The following CTNNA2 variants were observed in gnomAD, a reference collection of about 807,000 sequenced individuals.
CTNNA2 encodes catenin alpha-2.
In CTNNA2, 42 loss-of-function variants were observed where a neutral mutation model predicts 101.0. The observed-to-expected ratio is 0.42, with a 90% confidence interval of 0.32 to 0.54. The LOEUF (loss-of-function observed/expected upper bound fraction) is 0.54. CTNNA2 is among the 20% of genes least tolerant of loss of function. The pLI, the probability that CTNNA2 is intolerant of heterozygous loss-of-function variation, is 0.14. For synonymous variants in CTNNA2, 450 were observed against 456.4 expected (o/e 0.99, Z 0.18); for missense variants, 871 against 1,223.1 (o/e 0.71, Z 4.29).
chr2:79,213,525 G>A (rs1674204008), intron 2 of CTNNA2, among the ~76,000 whole-genome samples: 1 of 152,186 alleles, frequency 6.6e-6, no homozygotes, highest in Admixed American at 6.5e-5. Context: ...AATGATAGAT[G>A]TGGAAGATAC....
At chr2:80,345,929 T>C (rs1672694231) in intron 7 of CTNNA2, among the ~76,000 whole-genome samples, 2 of 152,182 alleles carry the variant, frequency 1.3e-5, no homozygotes, top group African/African-American at 4.8e-5. Flanking sequence ...TGTTGGATGA[T>C]TGCTACTGCT....
At chr2:80,133,153 A>G (rs1573180274) in intron 7 of CTNNA2, among the ~76,000 whole-genome samples, 1 of 152,166 alleles carries the variant, frequency 6.6e-6, no homozygotes, top group Admixed American at 6.6e-5. Flanking sequence ...CAGTTGGAAA[A>G]GCAGGGAAGA....
intron 9 of CTNNA2, among the ~76,000 whole-genome samples, chr2:80,524,240 T>C (rs1161918317): frequency 6.6e-6 from 1 of 152,162 alleles, no homozygotes; most frequent in Non-Finnish European, 1.5e-5. Context: ...AGTGTTCTCA[T>C]CTGTAAATTA....
At chr2:80,489,357 A>G (rs2149514115) in intron 9 of CTNNA2, among the ~76,000 whole-genome samples, 1 of 152,314 alleles carries the variant, frequency 6.6e-6, no homozygotes, top group African/African-American at 2.4e-5. Flanking sequence ...TTGGCAATCA[A>G]AAAAAGATAA....
intron 3 of CTNNA2, among the ~76,000 whole-genome samples, chr2:79,835,688 T>TTTGTTTGTTTG (rs1679302883): frequency 7.5e-6 from 1 of 133,670 alleles, no homozygotes; most frequent in African/African-American, 3.0e-5. Context: ...TTTTTTTTTT[T>TTTGTTTGTTTG]TTTTTTTTTT....
At chr2:79,849,660 A>C (rs1464981730) in intron 3 of CTNNA2, among the ~76,000 whole-genome samples, 1 of 152,230 alleles carries the variant, frequency 6.6e-6, no homozygotes, top group Non-Finnish European at 1.5e-5. Flanking sequence ...TATGTGGGCA[A>C]AACAGAGGAG....
rs530980959 is a variant in CTNNA2 at position 79,651,798 on chromosome 2, A to G, written c.102+140A>G. 99 of 687,078 alleles carry G rather than the reference A, an allele frequency of 1.4e-4. No homozygotes were observed. In the African/African-American group the frequency reaches 1.6e-3, roughly 11 times the overall value. The allele number at this position is 687,078 out of a possible 1,614,324, so 42.6% of individuals were successfully genotyped here. A position where few individuals can be genotyped will look rare whatever the true frequency, so the allele number is the denominator to read the frequency against. ...ATTACTGAATATATATTACTGCCTG[A>G]ACTATGGGCAATCTCATTGCCCTAT... On this transcript the variant is annotated intron_variant, in intron 2 of 18. Coordinates refer to ENST00000402739, the MANE Select transcript of CTNNA2 (RefSeq NM_001282597.3).
chr2:79,585,934 A>G (rs942632950), intron 1 of CTNNA2, among the ~76,000 whole-genome samples: 1 of 152,144 alleles, frequency 6.6e-6, no homozygotes, highest in Non-Finnish European at 1.5e-5. Flanking sequence ...AGTCACAACC[A>G]CGCTTGGAGA....
chr2:79,561,887 AT>A (rs1334218271), intron 1 of CTNNA2, among the ~76,000 whole-genome samples: 1 of 151,418 alleles, frequency 6.6e-6, no homozygotes, highest in Non-Finnish European at 1.5e-5. Context: ...ATTTGAAAAA[AT>A]TTTCTTCCAT....
intron 3 of CTNNA2, among the ~76,000 whole-genome samples, chr2:79,758,702 T>A (rs745785363): frequency 6.6e-6 from 1 of 152,186 alleles, no homozygotes; most frequent in Non-Finnish European, 1.5e-5. Flanking sequence ...TGAAATTTGG[T>A]TTCCTGTTCC....
intron 7 of CTNNA2, among the ~76,000 whole-genome samples, chr2:80,038,258 A>C (rs1208169887): frequency 6.6e-6 from 1 of 152,186 alleles, no homozygotes; most frequent in African/African-American, 2.4e-5. Context: ...CCTTCATTGC[A>C]GTCTTCTTGT....
At chr2:79,844,194 G>A (rs994987291) in intron 3 of CTNNA2, among the ~76,000 whole-genome samples, 1 of 152,160 alleles carries the variant, frequency 6.6e-6, no homozygotes, top group Admixed American at 6.5e-5. Context: ...CAGCCTGCAA[G>A]AGGCAGGAAG....
chr2:80,032,733 G>A (rs1001090353), intron 7 of CTNNA2, among the ~76,000 whole-genome samples: 25 of 152,148 alleles, frequency 1.6e-4, no homozygotes, highest in Non-Finnish European at 7.3e-5. Context: ...ATTTAAAATA[G>A]CAGTCCACAG....
chr2:80,234,469 T>C (rs1249253254), intron 7 of CTNNA2, among the ~76,000 whole-genome samples: 2 of 152,240 alleles, frequency 1.3e-5, no homozygotes, highest in African/African-American at 4.8e-5. Flanking sequence ...TCTTTCATTA[T>C]ACTCTTATAA....
At chr2:79,415,034 A>G (rs1172309477) in intron 4 of CTNNA2, among the ~76,000 whole-genome samples, 2 of 152,106 alleles carry the variant, frequency 1.3e-5, no homozygotes, top group Admixed American at 1.3e-4. Context: ...ACTTTCAACC[A>G]TCACTCCCTG....
intron 7 of CTNNA2, among the ~76,000 whole-genome samples, chr2:80,344,960 A>G (rs1254808513): frequency 6.6e-6 from 1 of 152,166 alleles, no homozygotes. Flanking sequence ...AGATCTGGGC[A>G]CTTACTGTTT....
intron 7 of CTNNA2, among the ~76,000 whole-genome samples, chr2:80,035,653 G>C (rs540290752): frequency 1.3e-5 from 2 of 152,036 alleles, no homozygotes; most frequent in African/African-American, 2.4e-5. Context: ...GACCATTAAG[G>C]CTCCATCTGA....
intron 2 of CTNNA2, among the ~76,000 whole-genome samples, chr2:79,658,180 A>G (rs1294691627): frequency 6.6e-6 from 1 of 151,960 alleles, no homozygotes; most frequent in Non-Finnish European, 1.5e-5. Context: ...TTATTATATC[A>G]TTGGAGCAGA....
chr2:80,118,663 CTT>C (rs2148874001), intron 7 of CTNNA2, among the ~76,000 whole-genome samples: 2 of 152,338 alleles, frequency 1.3e-5, no homozygotes, highest in South Asian at 4.1e-4. Context: ...TCATGATCCT[CTT>C]TAACAAAGGA....
Sources: gnomAD v4.1 joint callset for allele counts (sites outside exome capture counted in the v4.1 genomes callset) on GRCh38, gnomAD v4.1.1 for gene constraint, MANE v1.5 for transcripts, NCBI Gene and HGNC (gene_info 2026-07-23, HGNC 2026-07-21) for gene names.